The following MYO16 variants were observed in gnomAD, a reference collection of about 807,000 sequenced individuals.
The protein encoded by MYO16 is unconventional myosin-XVI.
MYO16 carries 94 observed loss-of-function variants against 205.3 expected under a neutral mutation model. The ratio of observed to expected loss-of-function variants is 0.46; its 90% CI spans 0.39 to 0.54. MYO16 has a LOEUF of 0.54. Among genes scored for constraint, MYO16 ranks in the 20% least tolerant of loss-of-function variants. The probability of loss-of-function intolerance (pLI) is 0.00; values close to 1 mark genes in which losing one functional copy is unlikely to be tolerated. For synonymous variants in MYO16, 988 were observed against 954.0 expected, an observed-to-expected ratio of 1.04 and a Z score of -0.66; for missense variants, 2,315 against 2,387.5, an observed-to-expected ratio of 0.97 and a Z score of 0.63.
At chr13:109,005,374 G>C (rs954848500) in intron 21 of MYO16, among the ~76,000 whole-genome samples, 8 of 152,062 alleles carry the variant, frequency 5.3e-5, no homozygotes, top group African/African-American at 1.9e-4. Flanking sequence ...CATTGGGAAG[G>C]GTGGTAGTCA....
At chr13:108,876,502 C>T (rs534571184) in intron 12 of MYO16, among the ~76,000 whole-genome samples, 3 of 152,218 alleles carry the variant, frequency 2.0e-5, no homozygotes, top group Non-Finnish European at 2.9e-5. Flanking sequence ...TCAACTTCAA[C>T]CTACTTATTT....
At chr13:109,131,935 T>C (rs1043550076) in intron 31 of MYO16, among the ~76,000 whole-genome samples, 17 of 152,206 alleles carry the variant, frequency 1.1e-4, no homozygotes, top group African/African-American at 3.6e-4. Flanking sequence ...CAAGCCCATG[T>C]ATGTCAAGTA....
chr13:108,622,520 T>A (rs1042665535), intron 1 of MYO16, among the ~76,000 whole-genome samples: 1 of 152,120 alleles, frequency 6.6e-6, no homozygotes, highest in Non-Finnish European at 1.5e-5. Flanking sequence ...ATTAGCCTCA[T>A]GCACTGTGGC....
intron 16 of MYO16, among the ~76,000 whole-genome samples, chr13:108,948,847 T>G (rs1443534563): frequency 6.6e-6 from 1 of 152,204 alleles, no homozygotes; most frequent in Non-Finnish European, 1.5e-5. Context: ...AGTTTTACTT[T>G]GCCTCAAAGC....
the MYO16 span, among the ~76,000 whole-genome samples, chr13:108,509,853 T>A: frequency 6.6e-6 from 1 of 152,132 alleles, no homozygotes; most frequent in African/African-American, 2.4e-5. Flanking sequence ...TTTTCTTGCA[T>A]CATGGACTCT....
At chr13:108,935,048 G>A (rs1882420067) in intron 16 of MYO16, among the ~76,000 whole-genome samples, 1 of 152,084 alleles carries the variant, frequency 6.6e-6, no homozygotes, top group Non-Finnish European at 1.5e-5. Context: ...TATGAACTTG[G>A]GTAATGTGAT....
chr13:109,159,872 G>A lies in MYO16; in HGVS notation c.5165-5029G>A, dbSNP rs190538089. ...TAAGGGGGGCTGGGGCCCAAGGCCA[G>A]CAGGAGTCAGGGCATGCAAGGTCCT... On this transcript the variant is annotated intron_variant, in intron 32 of 34. Coordinates refer to ENST00000457511, the MANE Select transcript of MYO16 (RefSeq NM_001198950.3). 1.8e-4 allele frequency among the ~76,000 whole-genome samples: 27 copies of A among 152,390 alleles called. 1 individual carries two copies. The East Asian group carries it at 5.0e-3, about 28-fold the overall frequency.
Position 109,100,667 on chromosome 13 carries a change from G to A in MYO16, c.3336-118G>A, listed in dbSNP as rs541124256. On this transcript the variant is annotated intron_variant, in intron 27 of 34. Transcript: ENST00000457511. ...AATGGACAGGTATTTGGCTGTTCCT[G>A]GGATAAAGAAAGACGGGGAAACTTT... 1.2e-4 allele frequency: 83 copies of A among 714,188 alleles called. No individual in the cohort carries two copies. In the East Asian group the frequency reaches 2.1e-3, roughly 18 times the overall value. 44.2% of individuals were successfully genotyped at this position (714,188 alleles called of 1,614,324 possible).
chr13:108,868,842 C>G (rs943435078), intron 12 of MYO16, among the ~76,000 whole-genome samples: 1 of 151,548 alleles, frequency 6.6e-6, no homozygotes, highest in Non-Finnish European at 1.5e-5. Flanking sequence ...ATCGCTTGAA[C>G]CCGGGTGGCA....
At chr13:108,608,347 C>T (rs1050309851) in intron 1 of MYO16, among the ~76,000 whole-genome samples, 7 of 152,228 alleles carry the variant, frequency 4.6e-5, no homozygotes, top group South Asian at 2.1e-4. Flanking sequence ...CCATTATATA[C>T]GAGTGACCCA....
intron 13 of MYO16, among the ~76,000 whole-genome samples, chr13:108,884,438 G>C (rs1421802766): frequency 1.3e-5 from 2 of 152,026 alleles, no homozygotes; most frequent in East Asian, 3.9e-4. Context: ...AGGCACTGAG[G>C]CATGGGATTC....
chr13:108,744,783 A>G (rs1237312368), intron 4 of MYO16, among the ~76,000 whole-genome samples: 5 of 152,266 alleles, frequency 3.3e-5, no homozygotes, highest in African/African-American at 9.6e-5. Flanking sequence ...TGGCATGAAC[A>G]GTAAAAATTT....
chr13:109,183,145 A>AC (rs1249709234), intron 34 of MYO16, among the ~76,000 whole-genome samples: 1 of 152,236 alleles, frequency 6.6e-6, no homozygotes, highest in African/African-American at 2.4e-5. Flanking sequence ...ATGAGATTTT[A>AC]CTTTTTTTAA....
chr13:108,532,036 G>A, the MYO16 span, among the ~76,000 whole-genome samples: 2 of 151,868 alleles, frequency 1.3e-5, no homozygotes, highest in African/African-American at 4.8e-5. Context: ...GTGAAACCCT[G>A]TCTTACTGAA....
At chr13:108,574,506 C>A in the MYO16 span, among the ~76,000 whole-genome samples, 2 of 152,144 alleles carry the variant, frequency 1.3e-5, no homozygotes, top group African/African-American at 4.8e-5. Flanking sequence ...GAAGGCAGCA[C>A]TAACTTTTAT....
Position 108,832,881 on chromosome 13 carries a change from C to T in MYO16, c.1097+9603C>T, listed in dbSNP as rs1318375013. Among the ~76,000 whole-genome samples the T allele has an allele frequency of 2.6e-5, 4 of 152,120 alleles. No homozygotes were observed. The East Asian group carries it at 7.7e-4, about 29-fold the overall frequency. Reference sequence around the variant, plus strand: ...TGTTAAATTCTACAGAATGTGTTTACAAAATATTGATAAACCTGTCAATAA... The same window carrying T: ...TGTTAAATTCTACAGAATGTGTTTATAAAATATTGATAAACCTGTCAATAA... On this transcript the variant is annotated intron_variant, in intron 9 of 34. Transcript: ENST00000457511.
intron 16 of MYO16, among the ~76,000 whole-genome samples, chr13:108,920,352 TTTTC>T (rs1389680076): frequency 6.6e-6 from 1 of 151,896 alleles, no homozygotes; most frequent in African/African-American, 2.4e-5. Context: ...TTTCTTTCTT[TTTTC>T]TTTCTTTCTC....
chr13:108,792,537 G>A (rs554530044), intron 5 of MYO16, among the ~76,000 whole-genome samples: 47 of 139,636 alleles, frequency 3.4e-4, no homozygotes, highest in African/African-American at 1.3e-3. Context: ...TTGAGATGGA[G>A]TTTTGCTCTT....
At chr13:108,989,754 G>A (rs1337463078) in intron 20 of MYO16, among the ~76,000 whole-genome samples, 6 of 152,002 alleles carry the variant, frequency 3.9e-5, no homozygotes, top group Non-Finnish European at 7.4e-5. Flanking sequence ...AGGCTCTACC[G>A]ATTTAAACTG....
Sources: allele counts gnomAD v4.1 joint callset (sites outside exome capture counted in the v4.1 genomes callset), GRCh38; gene constraint gnomAD v4.1.1; transcripts MANE v1.5; gene names NCBI Gene and HGNC (gene_info 2026-07-23, HGNC 2026-07-21).